RAB8B: variants seen among roughly 807,000 people sequenced by gnomAD.
RAB8B encodes RAB8B, member RAS oncogene family.
A neutral mutation model predicts 32.0 loss-of-function variants in RAB8B; 11 were observed. That is an observed-to-expected ratio of 0.34 (90% CI 0.22 to 0.57). RAB8B has a LOEUF of 0.57. Ranked by LOEUF, RAB8B falls within the 20% of genes least tolerant of loss-of-function variation. RAB8B has a pLI of 0.86. For missense variants in RAB8B, 190 were observed against 258.5 expected (o/e 0.73, Z 1.82); for synonymous variants, 103 against 89.6 (o/e 1.15, Z -0.85).
intron 1 of RAB8B, among the ~76,000 whole-genome samples, chr15:63,193,378 G>T (rs1316820174): frequency 3.9e-5 from 6 of 152,158 alleles, no homozygotes; most frequent in Admixed American, 2.6e-4. Flanking sequence ...TCTGTCAATA[G>T]TTTAGTTAAC....
At chr15:63,227,249 A>G (rs533074431) in intron 1 of RAB8B, among the ~76,000 whole-genome samples, 34 of 152,260 alleles carry the variant, frequency 2.2e-4, no homozygotes, top group African/African-American at 7.2e-4. Context: ...CACGCCTCTG[A>G]CATTTGCATC....
chr15:63,257,195 C>T (rs2038164690), intron 5 of RAB8B, among the ~76,000 whole-genome samples: 1 of 151,542 alleles, frequency 6.6e-6, no homozygotes, highest in East Asian at 1.9e-4. Flanking sequence ...AGAAGCTTCA[C>T]TTTTTAAGTC....
intron 1 of RAB8B, among the ~76,000 whole-genome samples, chr15:63,215,403 A>G (rs1308183247): frequency 6.6e-6 from 1 of 152,230 alleles, no homozygotes. Flanking sequence ...GGTCAATAAC[A>G]AGTTTGTAAA....
chr15:63,237,838 G>A (rs1203525974), intron 1 of RAB8B, among the ~76,000 whole-genome samples: 1 of 152,028 alleles, frequency 6.6e-6, no homozygotes, highest in Non-Finnish European at 1.5e-5. Context: ...TTTCCCCAAT[G>A]TTTTCTTTTA....
chr15:63,262,149 A>T (rs1469081515), intron 6 of RAB8B, among the ~76,000 whole-genome samples: 2 of 152,150 alleles, frequency 1.3e-5, no homozygotes, highest in African/African-American at 4.8e-5. Context: ...TTATTTATTC[A>T]CTCATTAAAC....
chr15:63,195,117 A>G (rs1038828474), intron 1 of RAB8B, among the ~76,000 whole-genome samples: 1 of 152,244 alleles, frequency 6.6e-6, no homozygotes, highest in African/African-American at 2.4e-5. Context: ...CAACTTCTCA[A>G]ACAAAAATAT....
At chr15:63,263,447 A>C in intron 7 of RAB8B, 80 bp from the exon 8 acceptor site, 1 of 1,005,066 alleles carries the variant, frequency 9.9e-7, no homozygotes, top group South Asian at 1.3e-5. Context: ...TGGTATGGTT[A>C]GTTATTTTTA....
chr15:63,235,685 T>A (rs1205344346), intron 1 of RAB8B, among the ~76,000 whole-genome samples: 1 of 150,278 alleles, frequency 6.7e-6, no homozygotes, highest in Non-Finnish European at 1.5e-5. Flanking sequence ...TATATATATT[T>A]TATATATATG....
intron 1 of RAB8B, among the ~76,000 whole-genome samples, chr15:63,218,232 C>T (rs184625338): frequency 1.9e-4 from 29 of 152,308 alleles, no homozygotes; most frequent in South Asian, 6.2e-4. Context: ...AGTTACTTAT[C>T]TGGACCTCTG....
intron 1 of RAB8B, among the ~76,000 whole-genome samples, chr15:63,225,768 GCCC>G (rs2037883614): frequency 1.3e-5 from 2 of 152,154 alleles, no homozygotes; most frequent in South Asian, 4.1e-4. Flanking sequence ...TCATGGAGGT[GCCC>G]ACTAATTCTT....
At chr15:63,196,410 A>G (rs960486196) in intron 1 of RAB8B, among the ~76,000 whole-genome samples, 2 of 152,238 alleles carry the variant, frequency 1.3e-5, no homozygotes, top group African/African-American at 4.8e-5. Context: ...AGCATGTTGA[A>G]TTAAGAGCAA....
At chr15:63,262,623 G>T in intron 6 of RAB8B, 69 bp from the exon 7 acceptor site, 1 of 181,424 alleles carries the variant, frequency 5.5e-6, no homozygotes, top group South Asian at 2.5e-4. Flanking sequence ...ATATATATAT[G>T]TGTATATATA....
intron 1 of RAB8B, among the ~76,000 whole-genome samples, chr15:63,227,259 C>T (rs2037896332): frequency 6.6e-6 from 1 of 152,118 alleles, no homozygotes; most frequent in Non-Finnish European, 1.5e-5. Context: ...ACATTTGCAT[C>T]CACTGTTGTA....
chr15:63,236,872 C>T (rs2037985079), intron 1 of RAB8B, among the ~76,000 whole-genome samples: 1 of 152,096 alleles, frequency 6.6e-6, no homozygotes, highest in East Asian at 1.9e-4. Flanking sequence ...TTTTTGTACC[C>T]ATTAACCATT....
Position 63,252,844 on chromosome 15 carries a change from G to T in RAB8B, c.247-2663G>T, listed in dbSNP as rs965031557. On this transcript the variant is annotated intron_variant, in intron 3 of 7. Transcript: ENST00000321437. ...GCTCACTGCAACCTCCACCTCCTGG[G>T]TTCAAGCGATTCTCCTGCCTCAGCC... Among the ~76,000 whole-genome samples the T allele has an allele frequency of 8.7e-4, 132 of 151,990 alleles. 1 individual carries two copies. The highest frequency in any genetic ancestry group is 3.1e-3 in the African/African-American group (128 of 41,454).
chr15:63,259,598 A>T lies in RAB8B; in HGVS notation c.415-29A>T, dbSNP rs779664723. The T allele has an allele frequency of 1.9e-6, 3 of 1,588,282 alleles. No homozygotes were observed. Among genetic ancestry groups the T allele is most frequent in the Non-Finnish European group, 2.6e-6 (3 of 1,156,806 alleles). On this transcript the variant is annotated intron_variant, in intron 5 of 7. Coordinates refer to ENST00000321437, the MANE Select transcript of RAB8B (RefSeq NM_016530.3). The surrounding 1 kb of genome is among the most constrained non-coding windows in gnomAD (Gnocchi z 4.4). ...ATTATGTGTTCAAGTATCTTTTGCT[A>T]AATTTAAATATTTCTGTTTACTTTT...
At chr15:63,225,825 T>C (rs77053637) in intron 1 of RAB8B, among the ~76,000 whole-genome samples, 2,325 of 152,232 alleles carry the variant, frequency 0.015, 26 homozygotes, top group Non-Finnish European at 0.024. Flanking sequence ...GAATTTAATA[T>C]TTTTTTCCTT....
intron 1 of RAB8B, among the ~76,000 whole-genome samples, chr15:63,207,189 G>A (rs1021251200): frequency 6.6e-6 from 1 of 152,056 alleles, no homozygotes; most frequent in Non-Finnish European, 1.5e-5. Flanking sequence ...TGTGATTATT[G>A]CATTGATGTC....
chr15:63,235,676 ATATATATTT>A (rs2037972356), intron 1 of RAB8B, among the ~76,000 whole-genome samples: 1 of 149,962 alleles, frequency 6.7e-6, no homozygotes. Context: ...AAAATATACT[ATATATATTT>A]TATATATATG....
Sources: allele counts gnomAD v4.1 joint callset (sites outside exome capture counted in the v4.1 genomes callset), GRCh38; gene constraint gnomAD v4.1.1; non-coding constraint Gnocchi (gnomAD v3.1); transcripts MANE v1.5; gene names NCBI Gene and HGNC (gene_info 2026-07-23, HGNC 2026-07-21).